The following SGK1 variants were observed in gnomAD, a reference collection of about 807,000 sequenced individuals.
SGK1 encodes serine/threonine-protein kinase Sgk1.
SGK1 carries 26 observed loss-of-function variants against 64.2 expected under a neutral mutation model. The ratio of observed to expected loss-of-function variants is 0.40; its 90% CI spans 0.30 to 0.56. The LOEUF (loss-of-function observed/expected upper bound fraction) is 0.56. Among genes scored for constraint, SGK1 ranks in the 20% least tolerant of loss-of-function variants. The pLI is 0.38. For synonymous variants in SGK1, 265 were observed against 239.7 expected (o/e 1.11, Z -0.98); for missense variants, 519 against 645.6 (o/e 0.80, Z 2.12).
At chr6:134,209,087 C>A (rs1467391967) in intron 2 of SGK1, among the ~76,000 whole-genome samples, 2 of 152,100 alleles carry the variant, frequency 1.3e-5, no homozygotes, top group Non-Finnish European at 2.9e-5. Context: ...TTCCACAGAG[C>A]AGCAGTGATC....
intron 2 of SGK1, among the ~76,000 whole-genome samples, chr6:134,226,911 C>T (rs1347922835): frequency 1.3e-5 from 2 of 151,992 alleles, no homozygotes; most frequent in Admixed American, 6.6e-5. Flanking sequence ...TGGCCTTGAA[C>T]TCCTGGCCTC....
intron 2 of SGK1, among the ~76,000 whole-genome samples, chr6:134,227,943 C>CTTTTT (rs869082001): frequency 1.1e-4 from 8 of 69,730 alleles, no homozygotes; most frequent in Admixed American, 2.2e-4. Context: ...GGAATTCATT[C>CTTTTT]TTTTTTTTTT....
rs148740677 is a variant in SGK1, at chr6:134,240,291, C to CAAAA, written c.285+21638_285+21641dup. Among the ~76,000 whole-genome samples, 12 of 84,412 alleles carry CAAAA rather than the reference C, an allele frequency of 1.4e-4. 1 individual carries two copies. Among genetic ancestry groups the CAAAA allele is most frequent in the African/African-American group, 4.3e-4 (10 of 23,268 alleles). The allele number at this position is 84,412 out of a possible 152,430, so 55.4% of individuals were successfully genotyped here. On this transcript the variant is annotated intron_variant, in intron 2 of 13. Transcript: ENST00000367858. ...TGGGCGACAGAGTGAGACTCCATCT[C>CAAAA]AAAAAAAAAAAAAAAAAAAAAAGAG...
intron 2 of SGK1, among the ~76,000 whole-genome samples, chr6:134,243,158 T>C (rs1776473556): frequency 6.6e-6 from 1 of 152,040 alleles, no homozygotes; most frequent in African/African-American, 2.4e-5. Context: ...TTATAGAAAA[T>C]ATAGAATCAA....
intron 1 of SGK1, chr6:134,298,040 A>G (rs1452885387): frequency 2.0e-6 from 2 of 1,008,274 alleles, no homozygotes; most frequent in Non-Finnish European, 3.2e-6. Context: ...CTCTTCATAC[A>G]GCTGCCTCAG....
At chr6:134,212,039 T>G (rs1166952589) in intron 2 of SGK1, among the ~76,000 whole-genome samples, 1 of 90,940 alleles carries the variant, frequency 1.1e-5, no homozygotes, top group African/African-American at 3.7e-5. Context: ...TGGTTCCTGT[T>G]TTTTTGTTTT....
rs1476246536 is a variant in SGK1, at chr6:134,191,729, C to T, written c.361+15627G>A. On this transcript the variant is annotated intron_variant, in intron 3 of 13. Transcript: ENST00000367858. The stretch of plus-strand genomic sequence containing the variant: ...TGTCGCCCAGGCTGGAGTGCAGTGG[C>T]GTGATCTCGGCTCACTGCAACCTCT... Among the ~76,000 whole-genome samples, 45 of 149,870 alleles carry T rather than the reference C, an allele frequency of 3.0e-4. 1 individual carries two copies. In the East Asian group the frequency reaches 3.1e-3, roughly 10 times the overall value.
At chr6:134,300,368 C>T (rs1219002192) in intron 1 of SGK1, among the ~76,000 whole-genome samples, 1 of 151,694 alleles carries the variant, frequency 6.6e-6, no homozygotes, top group East Asian at 2.0e-4. Flanking sequence ...GAAACCCCAA[C>T]TCTACTAAAA....
chr6:134,229,120 C>A (rs558947881), intron 2 of SGK1, among the ~76,000 whole-genome samples: 1 of 152,136 alleles, frequency 6.6e-6, no homozygotes, highest in Non-Finnish European at 1.5e-5. Context: ...CGTGAGCCAC[C>A]GCGCCCAGCG....
chr6:134,275,750 TC>T (rs896007280), intron 1 of SGK1, among the ~76,000 whole-genome samples: 4 of 152,172 alleles, frequency 2.6e-5, no homozygotes, highest in Non-Finnish European at 4.4e-5. Flanking sequence ...CCGGAATGCA[TC>T]CAGACCTCCA....
At chr6:134,232,484 A>AAAGAAAGAAAGAAAGAAAGAAAGG (rs1776305295) in intron 2 of SGK1, among the ~76,000 whole-genome samples, 1 of 132,556 alleles carries the variant, frequency 7.5e-6, no homozygotes, top group Non-Finnish European at 1.6e-5. Context: ...AGAAAGAAAG[A>AAAGAAAGAAAGAAAGAAAGAAAGG]GAAAGAAAAA....
chr6:134,299,965 G>A (rs1284517163), intron 1 of SGK1, among the ~76,000 whole-genome samples: 3 of 151,732 alleles, frequency 2.0e-5, no homozygotes, highest in African/African-American at 7.3e-5. Flanking sequence ...AAAAGAGAGA[G>A]AGAAAAAAAA....
chr6:134,298,341 T>C (rs2114788352), intron 1 of SGK1: 2 of 1,560,424 alleles, frequency 1.3e-6, no homozygotes, highest in South Asian at 1.1e-5. Flanking sequence ...ACTTGGTCTC[T>C]AGCATCTTGT....
intron 9 of SGK1, 61 bp from the exon 10 acceptor site, chr6:134,172,377 C>T: frequency 6.6e-7 from 1 of 1,520,716 alleles, no homozygotes. Context: ...AAGATATCCT[C>T]TTAAAGATAA....
At chr6:134,241,944 T>C (rs985115678) in intron 2 of SGK1, among the ~76,000 whole-genome samples, 2 of 151,880 alleles carry the variant, frequency 1.3e-5, no homozygotes, top group African/African-American at 2.4e-5. Flanking sequence ...GAAGTTACAA[T>C]CCTGTGTCAC....
At chr6:134,252,524 T>G (rs532893135) in intron 2 of SGK1, among the ~76,000 whole-genome samples, 78 of 151,948 alleles carry the variant, frequency 5.1e-4, no homozygotes, top group African/African-American at 1.8e-3. Context: ...ATCTGGTTCA[T>G]TTTTGTAAAT....
chr6:134,232,429 A>G (rs71547113), intron 2 of SGK1, among the ~76,000 whole-genome samples: 1,890 of 55,978 alleles, frequency 0.034, 160 homozygotes, highest in East Asian at 0.076. Flanking sequence ...GAAAGAAAGA[A>G]AGAAAGAAAG....
At chr6:134,248,312 C>A (rs1246670251) in intron 2 of SGK1, among the ~76,000 whole-genome samples, 1 of 152,070 alleles carries the variant, frequency 6.6e-6, no homozygotes, top group Non-Finnish European at 1.5e-5. Flanking sequence ...CAGTACAAAT[C>A]CAGTCTTTAA....
chr6:134,297,139 C>T (rs1266442972), intron 1 of SGK1: 4 of 578,480 alleles, frequency 6.9e-6, no homozygotes, highest in Non-Finnish European at 9.8e-6. Context: ...CTTGTGAGGC[C>T]CCCATAGGCT....
Sources: gnomAD v4.1 joint callset for allele counts (sites outside exome capture counted in the v4.1 genomes callset) on GRCh38, gnomAD v4.1.1 for gene constraint, MANE v1.5 for transcripts, NCBI Gene and HGNC (gene_info 2026-07-23, HGNC 2026-07-21) for gene names.